PUDP: variants seen among roughly 807,000 people sequenced by gnomAD.
The protein encoded by PUDP is pseudouridine 5'-phosphatase, also known as pseudouridine-5'-phosphatase.
A neutral mutation model predicts 9.4 loss-of-function variants in PUDP; 8 were observed. The observed-to-expected ratio is 0.85, with a 90% confidence interval of 0.50 to 1.53. The LOEUF is 1.53. Among genes scored for constraint, PUDP ranks in the 40% most tolerant of loss-of-function variants. The pLI, the probability that PUDP is intolerant of heterozygous loss-of-function variation, is 0.00. For synonymous variants in PUDP, 99 were observed against 80.7 expected, an observed-to-expected ratio of 1.23 and a Z score of -1.22; for missense variants, 188 against 189.7, an observed-to-expected ratio of 0.99 and a Z score of 0.05.
chrX:6,737,372 G>C (rs1002076593), intron 3 of PUDP, among the ~76,000 whole-genome samples: 3 of 112,199 alleles, frequency 2.7e-5, no homozygotes, highest in African/African-American at 9.7e-5. Context: ...GGAGTAGCTA[G>C]TGCTTGGGGT....
intron 3 of PUDP, among the ~76,000 whole-genome samples, chrX:6,813,057 A>G (rs1036297026): frequency 2.7e-5 from 3 of 110,810 alleles, no homozygotes; most frequent in Admixed American, 9.7e-5. Context: ...TCACACTAAC[A>G]TACTCCAGCC....
At chrX:6,875,107 C>T (rs1927232904) in intron 3 of PUDP, among the ~76,000 whole-genome samples, 1 of 111,892 alleles carries the variant, frequency 8.9e-6, no homozygotes, top group African/African-American at 3.2e-5. Flanking sequence ...TTTGCTCTGT[C>T]GTCCAGGCTG....
chrX:6,743,526 T>C (rs1924964409), intron 3 of PUDP, among the ~76,000 whole-genome samples: 1 of 112,378 alleles, frequency 8.9e-6, no homozygotes, highest in Non-Finnish European at 1.9e-5. Context: ...GCTTTTGTGT[T>C]TCACATCTCA....
At chrX:6,907,012 T>C (rs757647807) in intron 3 of PUDP, among the ~76,000 whole-genome samples, 1 of 111,196 alleles carries the variant, frequency 9.0e-6, no homozygotes, top group Non-Finnish European at 1.9e-5. Flanking sequence ...TCCCTCAGTT[T>C]ACTGGTCTCT....
At chrX:6,724,686 C>T (rs1390017476), upstream of PUDP, among the ~76,000 whole-genome samples, 1 of 111,252 alleles carries the variant, frequency 9.0e-6, no homozygotes, top group East Asian at 2.8e-4. Flanking sequence ...AAGCAGTGTT[C>T]TAAATTAAAG....
At chrX:6,992,564 G>A (rs1929199525) in intron 1 of PUDP, among the ~76,000 whole-genome samples, 1 of 110,097 alleles carries the variant, frequency 9.1e-6, no homozygotes, top group East Asian at 2.9e-4. Context: ...GAACCACCGC[G>A]CCCGGCCCAG....
intron 1 of PUDP, among the ~76,000 whole-genome samples, chrX:7,028,963 C>T (rs1367745774): frequency 9.0e-6 from 1 of 111,108 alleles, no homozygotes; most frequent in Non-Finnish European, 1.9e-5. Flanking sequence ...ATGTCCTCAT[C>T]TCCTCTTCTT....
chrX:7,001,453 C>T (rs1396528143), intron 1 of PUDP, among the ~76,000 whole-genome samples: 1 of 110,232 alleles, frequency 9.1e-6, no homozygotes, highest in Non-Finnish European at 1.9e-5. Context: ...TATGAAAGAA[C>T]AAAGAGCCAT....
chrX:6,868,074 G>A (rs1482424456), intron 3 of PUDP, among the ~76,000 whole-genome samples: 1 of 111,661 alleles, frequency 9.0e-6, no homozygotes, highest in East Asian at 2.8e-4. Flanking sequence ...TGACCTTTGG[G>A]GAACACATTC....
chrX:6,850,210 C>T (rs1274628732), intron 3 of PUDP, among the ~76,000 whole-genome samples: 1 of 111,927 alleles, frequency 8.9e-6, no homozygotes, highest in East Asian at 2.8e-4. Flanking sequence ...TCCACAAACA[C>T]TTTCACTACA....
intron 1 of PUDP, among the ~76,000 whole-genome samples, chrX:6,993,193 T>C (rs1436950647): frequency 1.8e-5 from 2 of 111,257 alleles, no homozygotes; most frequent in African/African-American, 6.5e-5. Flanking sequence ...AACTCCCCTT[T>C]ATATATACCT....
intron 3 of PUDP, among the ~76,000 whole-genome samples, chrX:6,967,965 G>A (rs1928812383): frequency 8.9e-6 from 1 of 112,219 alleles, no homozygotes; most frequent in Non-Finnish European, 1.9e-5. Context: ...TAGACAGACA[G>A]GCTGGCTGGG....
At chrX:6,906,468 T>A (rs1368299296) in intron 3 of PUDP, among the ~76,000 whole-genome samples, 2 of 111,807 alleles carry the variant, frequency 1.8e-5, no homozygotes, top group African/African-American at 6.5e-5. Context: ...AGAGAAATGG[T>A]GAGATTTTAA....
At chrX:6,747,192 A>G (rs894152203) in intron 3 of PUDP, among the ~76,000 whole-genome samples, 1 of 112,237 alleles carries the variant, frequency 8.9e-6, no homozygotes, top group Non-Finnish European at 1.9e-5. Flanking sequence ...AAATACATGA[A>G]TTATTGATGC....
intron 2 of PUDP, among the ~76,000 whole-genome samples, chrX:7,084,116 C>T (rs1308702551): frequency 2.7e-5 from 3 of 110,520 alleles, no homozygotes; most frequent in African/African-American, 9.9e-5. Context: ...TGCATCTTTG[C>T]GGGTGAAGAC....
chrX:7,016,140 G>A (rs1423818864), intron 1 of PUDP, among the ~76,000 whole-genome samples: 5 of 107,172 alleles, frequency 4.7e-5, no homozygotes, highest in South Asian at 4.4e-4. Context: ...AGACCAGCCC[G>A]GGTAACATTG....
At position 7,098,441 on chromosome X, in the gene PUDP, T is replaced by A. The variant is rs1441050294; in HGVS notation, c.280+7179A>T. 5.4e-5 allele frequency among the ~76,000 whole-genome samples: 6 copies of A among 111,369 alleles called. 1 individual carries two copies. Among genetic ancestry groups the A allele is most frequent in the Non-Finnish European group, 1.1e-4 (6 of 52,991 alleles). On this transcript the variant is annotated intron_variant, in intron 2 of 3. Transcript: ENST00000381077. ...TTCATGACAGCCCTAATCCCATCCA[T>A]GAGGCTCCACCTTCAGGACTTAATC...
At chrX:6,767,454 G>A (rs1925299431) in intron 3 of PUDP, among the ~76,000 whole-genome samples, 2 of 112,526 alleles carry the variant, frequency 1.8e-5, no homozygotes, top group Non-Finnish European at 3.7e-5. Flanking sequence ...AGTCGCTGGC[G>A]AATGTGGAAT....
chrX:6,873,930 T>G (rs1927213017), intron 3 of PUDP, among the ~76,000 whole-genome samples: 1 of 111,804 alleles, frequency 8.9e-6, no homozygotes, highest in Non-Finnish European at 1.9e-5. Context: ...TTTTTCAGCC[T>G]GGGCAACAAG....
Sources: allele counts gnomAD v4.1 joint callset (sites outside exome capture counted in the v4.1 genomes callset), GRCh38; gene constraint gnomAD v4.1.1; transcripts MANE v1.5; gene names NCBI Gene and HGNC (gene_info 2026-07-23, HGNC 2026-07-21).